The following PCDH7 variants were observed in gnomAD, a reference collection of about 807,000 sequenced individuals.
The protein encoded by PCDH7 is protocadherin-7.
PCDH7 carries 17 observed loss-of-function variants against 58.9 expected under a neutral mutation model. That is an observed-to-expected ratio of 0.29 (90% confidence interval 0.20 to 0.43). The LOEUF (loss-of-function observed/expected upper bound fraction) is 0.43. Ranked by LOEUF, PCDH7 falls within the 20% of genes least tolerant of loss-of-function variation. PCDH7 has a pLI of 1.00. For synonymous variants in PCDH7, 664 were observed against 616.4 expected (o/e 1.08, Z -1.14); for missense variants, 1,274 against 1,441.0 (o/e 0.88, Z 1.88).
At chr4:31,083,716 A>G (rs1186795513) in intron 3 of PCDH7, among the ~76,000 whole-genome samples, 1 of 152,192 alleles carries the variant, frequency 6.6e-6, no homozygotes, top group African/African-American at 2.4e-5. Context: ...TCGTTTCTCA[A>G]AAATGATGGG....
chr4:30,730,556 C>A (rs1715331879), intron 1 of PCDH7, among the ~76,000 whole-genome samples: 1 of 152,136 alleles, frequency 6.6e-6, no homozygotes, highest in Non-Finnish European at 1.5e-5. Context: ...TTAAAGCTCC[C>A]AGGTAGGATT....
At chr4:31,007,999 G>A (rs1752908930) in intron 3 of PCDH7, among the ~76,000 whole-genome samples, 1 of 152,034 alleles carries the variant, frequency 6.6e-6, no homozygotes, top group South Asian at 2.1e-4. Context: ...CATGACATGG[G>A]GTAGGAGTTG....
Position 31,076,755 on chromosome 4 carries a change from T to C in PCDH7, c.*8-65718T>C, listed in dbSNP as rs546785994. On this transcript the variant is annotated intron_variant, in intron 3 of 3. Transcript: ENST00000509759. ...AGGGAGATCTGGCATGCAACATTAT[T>C]ACACAGGTTATCTATTGGTGTAATA... is the stretch of plus-strand genomic sequence containing the variant. 2.0e-5 allele frequency among the ~76,000 whole-genome samples: 3 copies of C among 152,308 alleles called. No individual in the cohort carries two copies. The South Asian group carries it at 6.2e-4, about 32-fold the overall frequency.
intron 3 of PCDH7, among the ~76,000 whole-genome samples, chr4:30,967,624 G>A (rs1003738878): frequency 1.3e-5 from 2 of 152,088 alleles, no homozygotes; most frequent in Non-Finnish European, 2.9e-5. Context: ...GATCCTAGAA[G>A]TATTCTTATT....
chr4:31,072,346 T>C (rs1016856998), intron 3 of PCDH7, among the ~76,000 whole-genome samples: 11 of 152,122 alleles, frequency 7.2e-5, no homozygotes, highest in Non-Finnish European at 1.5e-5. Context: ...TAAGATCATA[T>C]ATGTCTCACT....
At chr4:31,033,165 G>T (rs970723772) in intron 3 of PCDH7, among the ~76,000 whole-genome samples, 2 of 151,984 alleles carry the variant, frequency 1.3e-5, no homozygotes, top group African/African-American at 4.8e-5. Context: ...TAATGTTAAA[G>T]CTTCATGTAA....
Position 30,723,825 on chromosome 4 carries a change from T to G in PCDH7, c.2403T>G (p.Val801=). Residue 801 remains valine (V), a synonymous_variant, in exon 1 of 2, where the codon GTT becomes GTG. Transcript: ENST00000361762. This position sits in a 1 kb window ranked among gnomAD's most constrained non-coding sequence, Gnocchi z 4.6. Reference sequence around the variant, plus strand: ...AAATTGATCCCACTAGTGGTGTGGTTTCCTTAGTGGGAAAACTCACCCAAA... The same window carrying G: ...AAATTGATCCCACTAGTGGTGTGGTGTCCTTAGTGGGAAAACTCACCCAAA... The G allele has an allele frequency of 1.9e-6, 3 of 1,614,136 alleles. No homozygotes were observed. The highest frequency in any genetic ancestry group is 2.5e-6 in the Non-Finnish European group (3 of 1,180,026).
intron 3 of PCDH7, among the ~76,000 whole-genome samples, chr4:31,038,312 T>A (rs1295739416): frequency 1.3e-5 from 2 of 151,136 alleles, no homozygotes; most frequent in Non-Finnish European, 3.0e-5. Flanking sequence ...CTGAAGTTCA[T>A]GTTAAAATTG....
At chr4:31,056,519 G>GAAA (rs1757252188) in intron 3 of PCDH7, among the ~76,000 whole-genome samples, 1 of 84,394 alleles carries the variant, frequency 1.2e-5, no homozygotes, top group Non-Finnish European at 2.7e-5. Context: ...GAAAGAAAGG[G>GAAA]GAAGGGAAGG....
At chr4:30,833,674 A>G (rs764062289) in intron 1 of PCDH7, among the ~76,000 whole-genome samples, 6 of 152,184 alleles carry the variant, frequency 3.9e-5, no homozygotes, top group Non-Finnish European at 8.8e-5. Context: ...GCAGCTAAGG[A>G]TTGTATATCA....
In PCDH7 at chr4:30,781,779, G is replaced by A. The variant is rs1460818837; in HGVS notation, c.70+57183G>A. Among the ~76,000 whole-genome samples the A allele has an allele frequency of 3.3e-5, 5 of 151,334 alleles. No individual in the cohort carries two copies. The East Asian group carries it at 7.9e-4, about 24-fold the overall frequency. ...TTGAACTCCCGACCTCAGGTGATCCGCCCGCCTCATCCTCCCAAAGTGCTG... is the reference window on the plus strand; with the variant it reads ...TTGAACTCCCGACCTCAGGTGATCCACCCGCCTCATCCTCCCAAAGTGCTG... On this transcript the variant is annotated intron_variant, in intron 1 of 3. Transcript: ENST00000509759.
At chr4:31,092,129 A>T (rs1051722723) in intron 3 of PCDH7, among the ~76,000 whole-genome samples, 8 of 152,048 alleles carry the variant, frequency 5.3e-5, no homozygotes, top group Non-Finnish European at 1.2e-4. Flanking sequence ...GGATTTTCTT[A>T]TGAATAAGAA....
intron 1 of PCDH7, among the ~76,000 whole-genome samples, chr4:30,846,958 T>C (rs1010712182): frequency 8.6e-5 from 13 of 151,992 alleles, no homozygotes; most frequent in Admixed American, 3.3e-4. Flanking sequence ...ACCTCATTTC[T>C]ACAAGAAATT....
At chr4:30,875,164 G>A (rs1437891333) in intron 1 of PCDH7, among the ~76,000 whole-genome samples, 4 of 152,182 alleles carry the variant, frequency 2.6e-5, no homozygotes, top group Admixed American at 6.6e-5. Context: ...TGGTTGCACC[G>A]TTGATTCCTT....
intron 1 of PCDH7, among the ~76,000 whole-genome samples, chr4:30,780,822 G>C (rs1420425133): frequency 1.3e-5 from 2 of 152,094 alleles, no homozygotes; most frequent in Non-Finnish European, 2.9e-5. Context: ...CAGCTAAGTA[G>C]AGACAATAGG....
chr4:30,890,946 A>G (rs979261075), intron 1 of PCDH7, among the ~76,000 whole-genome samples: 1 of 152,112 alleles, frequency 6.6e-6, no homozygotes, highest in African/African-American at 2.4e-5. Context: ...AACATGATCA[A>G]GTAACATGAA....
intron 1 of PCDH7, among the ~76,000 whole-genome samples, chr4:30,797,365 C>T (rs1284504515): frequency 1.3e-5 from 2 of 151,692 alleles, no homozygotes; most frequent in Admixed American, 1.3e-4. Context: ...TTCCGCCTCC[C>T]GGGTTCACAC....
At chr4:30,803,068 G>C (rs4615135) in intron 1 of PCDH7, among the ~76,000 whole-genome samples, 89,061 of 151,804 alleles carry the variant, frequency 0.59, 26,853 homozygotes, top group African/African-American at 0.73. Flanking sequence ...AGAAGGAAGT[G>C]AAGCCAGGAA....
chr4:30,980,265 T>A (rs1382250560), intron 3 of PCDH7, among the ~76,000 whole-genome samples: 1 of 152,198 alleles, frequency 6.6e-6, no homozygotes, highest in East Asian at 1.9e-4. Flanking sequence ...TTTCTAAATA[T>A]AAGAGTAATA....
Sources: allele counts gnomAD v4.1 joint callset (sites outside exome capture counted in the v4.1 genomes callset), GRCh38; gene constraint gnomAD v4.1.1; non-coding constraint Gnocchi (gnomAD v3.1); transcripts MANE v1.5; gene names NCBI Gene and HGNC (gene_info 2026-07-23, HGNC 2026-07-21).